Variants in UBN2 observed in about 807,000 individuals in gnomAD.
UBN2 encodes the protein ubinuclein 2.
In UBN2, 35 loss-of-function variants were observed where a neutral mutation model predicts 120.2. The ratio of observed to expected loss-of-function variants is 0.29; its 90% CI spans 0.22 to 0.39. The LOEUF (loss-of-function observed/expected upper bound fraction) is 0.39. UBN2 is among the 10% of genes least tolerant of loss of function. UBN2 has a pLI of 1.00. For missense variants in UBN2, 1,693 were observed against 1,663.2 expected, an observed-to-expected ratio of 1.02 and a Z score of -0.31; for synonymous variants, 661 against 648.7, an observed-to-expected ratio of 1.02 and a Z score of -0.29.
intron 12 of UBN2, chr7:139,277,245 T>C (rs1398622083): frequency 6.6e-6 from 1 of 152,160 alleles, no homozygotes; most frequent in Non-Finnish European, 1.5e-5. Context: ...GAAGGACAGT[T>C]CATTATTACG....
chr7:139,261,843 CTT>C, intron 6 of UBN2, 102 bp downstream of exon 6: 1 of 1,228,418 alleles, frequency 8.1e-7, no homozygotes, highest in Non-Finnish European at 1.1e-6. Flanking sequence ...GGTATAATTG[CTT>C]TTGTTTTTTA....
intron 2 of UBN2, among the ~76,000 whole-genome samples, chr7:139,243,388 G>C (rs923720667): frequency 3.3e-5 from 5 of 152,122 alleles, no homozygotes; most frequent in African/African-American, 9.7e-5. Context: ...GAGGTTCAGA[G>C]AATTTATCAA....
Position 139,297,912 on chromosome 7 carries a change from C to T in UBN2, c.*76C>T, listed in dbSNP as rs1798155812. ...CCTGATGGGAAAGTACTTATGTGGT[C>T]ATAGGGCTGCTGTTTCTGTCGATGT... On this transcript the variant is annotated 3_prime_UTR_variant, in exon 18 of 18. Transcript: ENST00000473989. 1 of 1,469,740 alleles carries T rather than the reference C, an allele frequency of 6.8e-7. No homozygotes were observed. The highest frequency in any genetic ancestry group is 1.4e-5 in the African/African-American group (1 of 71,866). The allele number at this position is 1,469,740 out of a possible 1,614,324, so 91.0% of individuals were successfully genotyped here.
chr7:139,322,174 C>T, the UBN2 span, among the ~76,000 whole-genome samples: 1 of 152,024 alleles, frequency 6.6e-6, no homozygotes, highest in African/African-American at 2.4e-5. Flanking sequence ...GGGTTTCACC[C>T]TGTTGGCCAG....
intron 8 of UBN2, among the ~76,000 whole-genome samples, 161 bp from the exon 9 acceptor site, chr7:139,272,161 T>C (rs981191481): frequency 1.3e-5 from 2 of 152,218 alleles, no homozygotes; most frequent in African/African-American, 2.4e-5. Flanking sequence ...CAGTGTGTCT[T>C]AGGAAAAGTC....
At chr7:139,277,310 G>A (rs1005431298) in intron 12 of UBN2, 3 of 152,184 alleles carry the variant, frequency 2.0e-5, no homozygotes, top group African/African-American at 7.2e-5. Flanking sequence ...ATCCCACACA[G>A]TCAGAAATCC....
At chr7:139,312,683 A>C (rs1798464491), downstream of UBN2, among the ~76,000 whole-genome samples, 1 of 152,072 alleles carries the variant, frequency 6.6e-6, no homozygotes, top group African/African-American at 2.4e-5. Context: ...TTTTTGTCTT[A>C]TGTTTGTGTT....
chr7:139,301,621 T>C lies in UBN2; in HGVS notation c.*3785T>C, dbSNP rs1032951064. ...GAATTAGGATACTTTATTTTAGGAGTGTACCGTAAAAGCACACTGGTCCCT... is the reference window on the plus strand; with the variant it reads ...GAATTAGGATACTTTATTTTAGGAGCGTACCGTAAAAGCACACTGGTCCCT... On this transcript the variant is annotated 3_prime_UTR_variant, in exon 18 of 18. Transcript: ENST00000473989. The C allele has an allele frequency of 3.9e-5, 6 of 152,154 alleles. No individual in the cohort carries two copies. The highest frequency in any genetic ancestry group is 7.2e-5 in the African/African-American group (3 of 41,434). 9.4% of individuals were successfully genotyped at this position (152,154 alleles called of 1,614,324 possible). A position where few individuals can be genotyped will look rare whatever the true frequency, so the allele number is the denominator to read the frequency against.
At chr7:139,250,112 G>C (rs966158008) in intron 2 of UBN2, among the ~76,000 whole-genome samples, 1 of 152,128 alleles carries the variant, frequency 6.6e-6, no homozygotes, top group Non-Finnish European at 1.5e-5. Context: ...ACCATAGCTT[G>C]TGTCTGTAGT....
At chr7:139,252,891 T>A (rs1475250880) in intron 3 of UBN2, among the ~76,000 whole-genome samples, 1 of 152,172 alleles carries the variant, frequency 6.6e-6, no homozygotes, top group African/African-American at 2.4e-5. Context: ...AACTCAGACT[T>A]AAGGAATTAG....
At chr7:139,278,815 T>C (rs1797520846) in intron 12 of UBN2, among the ~76,000 whole-genome samples, 1 of 152,186 alleles carries the variant, frequency 6.6e-6, no homozygotes, top group African/African-American at 2.4e-5. Context: ...TGTTCTTTTT[T>C]TTCATCTTCA....
intron 15 of UBN2, among the ~76,000 whole-genome samples, chr7:139,289,560 C>CT (rs2131054817): frequency 6.6e-6 from 1 of 151,802 alleles, no homozygotes; most frequent in African/African-American, 2.4e-5. Context: ...TACAGGCAGA[C>CT]GCCACCATGC....
intron 17 of UBN2, among the ~76,000 whole-genome samples, chr7:139,297,087 G>C (rs577043622): frequency 2.2e-4 from 33 of 151,674 alleles, no homozygotes; most frequent in African/African-American, 7.5e-4. Context: ...CCAGCTACTC[G>C]GGAGGCTGAG....
chr7:139,290,117 G>A (rs982642261), intron 15 of UBN2, among the ~76,000 whole-genome samples: 6 of 151,990 alleles, frequency 3.9e-5, no homozygotes, highest in Non-Finnish European at 5.9e-5. Context: ...AGTAGAGACC[G>A]GGGTTAGTAG....
At position 139,261,364 on chromosome 7, in the gene UBN2, A is replaced by C; in HGVS notation, c.1018A>C (p.Lys340Gln). Residue 340 changes from lysine (K) to glutamine (Q), a missense_variant, in exon 6 of 18, where the codon AAG (lysine) becomes CAG (glutamine). This residue lies in a region of UBN2 where 663 missense variants were observed against 591.2 expected (regional missense o/e 1.12). Coordinates refer to ENST00000473989, the MANE Select transcript of UBN2 (RefSeq NM_173569.4). ...KFQKEKDALK[K>Q]ESNPKVPVTL... ...CCAGAAAGAGAAGGATGCATTAAAG[A>C]AGGAGTCTAACCCCAAAGTCCCAGT... 1 of 1,614,226 alleles carries C rather than the reference A, an allele frequency of 6.2e-7. No individual in the cohort carries two copies. The highest frequency in any genetic ancestry group is 1.6e-4 in the Middle Eastern group (1 of 6,062).
At chr7:139,270,410 A>G (rs1459710716) in intron 8 of UBN2, among the ~76,000 whole-genome samples, 4 of 151,798 alleles carry the variant, frequency 2.6e-5, no homozygotes, top group Non-Finnish European at 4.4e-5. Flanking sequence ...CTGTGATTAC[A>G]GGCACCCGCC....
intron 9 of UBN2, 69 bp downstream of exon 9, chr7:139,272,509 T>C (rs1797309610): frequency 1.3e-6 from 1 of 758,568 alleles, no homozygotes; most frequent in Admixed American, 2.7e-5. Flanking sequence ...TATGTATGTA[T>C]GTATGTATGT....
At chr7:139,327,802 A>C in the UBN2 span, among the ~76,000 whole-genome samples, 96 of 152,252 alleles carry the variant, frequency 6.3e-4, no homozygotes, top group African/African-American at 2.1e-3. Context: ...CCCTTACCAC[A>C]ACAGTTATTG....
intron 5 of UBN2, 54 bp downstream of exon 5, chr7:139,259,424 C>T (rs1796865283): frequency 4.4e-6 from 7 of 1,595,794 alleles, no homozygotes; most frequent in Non-Finnish European, 2.6e-6. Context: ...GACTGTCTCT[C>T]CCTTTAGAAA....
Sources: allele counts gnomAD v4.1 joint callset (sites outside exome capture counted in the v4.1 genomes callset), GRCh38; gene constraint gnomAD v4.1.1; regional missense constraint gnomAD v4.1.1; transcripts MANE v1.5; gene names NCBI Gene and HGNC (gene_info 2026-07-23, HGNC 2026-07-21).